Variants in STEEP1 observed in about 807,000 individuals in gnomAD.
The protein encoded by STEEP1 is STING1 ER exit protein 1, also known as STING ER exit protein.
STEEP1 carries 3 observed loss-of-function variants against 19.2 expected under a neutral mutation model. The ratio of observed to expected loss-of-function variants is 0.16; its 90% CI spans 0.07 to 0.40. The LOEUF (loss-of-function observed/expected upper bound fraction) is 0.40, where lower values mean the gene tolerates loss of function less well. Among genes scored for constraint, STEEP1 ranks in the 10% least tolerant of loss-of-function variants. STEEP1 has a pLI of 0.99. For missense variants in STEEP1, 54 were observed against 177.1 expected (o/e 0.30, Z 3.94); for synonymous variants, 46 against 63.7 (o/e 0.72, Z 1.32).
intron 2 of STEEP1, among the ~76,000 whole-genome samples, chrX:119,555,828 T>G (rs2053274829): frequency 9.0e-6 from 1 of 111,268 alleles, no homozygotes; most frequent in South Asian, 3.8e-4. Context: ...TGGGGACAGA[T>G]GAGACAAAGA....
intron 2 of STEEP1, among the ~76,000 whole-genome samples, chrX:119,555,228 A>T (rs980989528): frequency 3.6e-5 from 4 of 110,896 alleles, no homozygotes; most frequent in African/African-American, 1.3e-4. Context: ...CAGAAAATAC[A>T]TAAAATGATA....
At chrX:119,543,678 C>T (rs1367840139) in intron 4 of STEEP1, among the ~76,000 whole-genome samples, 1 of 109,461 alleles carries the variant, frequency 9.1e-6, no homozygotes, top group African/African-American at 3.3e-5. Flanking sequence ...GATAGGGTCT[C>T]GCCGTGCTGC....
chrX:119,556,799 C>T (rs373609896), intron 2 of STEEP1, among the ~76,000 whole-genome samples: 2 of 110,302 alleles, frequency 1.8e-5, no homozygotes, highest in Non-Finnish European at 3.8e-5. Context: ...AAAAGTGTAA[C>T]TAATGCCATG....
rs773767111 is a variant in STEEP1 at position 119,560,401 on chromosome X, G to C, written c.125-16C>G. On this transcript the variant is annotated splice_polypyrimidine_tract_variant and intron_variant, in intron 1 of 6. Coordinates refer to ENST00000644802, the MANE Select transcript of STEEP1 (RefSeq NM_022101.4). The stretch of plus-strand genomic sequence containing the variant: ...AACTGGCAGTCTGAAGGAATGGAGA[G>C]ATTTGGTCACTAGAGTCATGGCAAA... 8.8e-7 allele frequency: 1 copy of C among 1,132,045 alleles called. No individual in the cohort carries two copies. Among genetic ancestry groups the C allele is most frequent in the East Asian group, 3.0e-5 (1 of 33,559 alleles). 93.3% of individuals were successfully genotyped at this position (1,132,045 alleles called of 1,213,427 possible).
chrX:119,554,056 GC>G (rs1334894173), intron 2 of STEEP1, among the ~76,000 whole-genome samples: 1 of 112,146 alleles, frequency 8.9e-6, no homozygotes, highest in South Asian at 3.7e-4. Context: ...ATTAATATGA[GC>G]TAGATGTTTG....
intron 2 of STEEP1, among the ~76,000 whole-genome samples, chrX:119,549,755 C>A (rs1419861575): frequency 8.9e-6 from 1 of 112,261 alleles, no homozygotes; most frequent in Non-Finnish European, 1.9e-5. Context: ...GCCGCTCCTG[C>A]AATAACAGAC....
At position 119,541,341 on chromosome X, in the gene STEEP1, C is replaced by T. The variant is rs748616501; in HGVS notation, c.593G>A (p.Arg198Gln). 10 of 1,188,061 alleles carry T rather than the reference C, an allele frequency of 8.4e-6. No individual in the cohort carries two copies. Among genetic ancestry groups the T allele is most frequent in the Non-Finnish European group, 1.1e-5 (10 of 874,704 alleles). ...QLERKGMSKR[R>Q]LQELAELEAK... ...CTTGCTACTCACCAGCTCTTGCAGT[C>T]GCCTCTTGCTCATGCCTTTGCGCTC... Residue 198 changes from arginine to glutamine, a missense_variant, in exon 6 of 7, where the codon CGA (arginine) becomes CAA (glutamine). Coordinates refer to ENST00000644802, the MANE Select transcript of STEEP1 (RefSeq NM_022101.4).
intron 1 of STEEP1, among the ~76,000 whole-genome samples, chrX:119,562,385 T>C (rs1421591287): frequency 1.8e-5 from 2 of 110,754 alleles, no homozygotes; most frequent in Admixed American, 9.7e-5. Flanking sequence ...AATACAAAAT[T>C]AGCTGAGCAT....
intron 2 of STEEP1, among the ~76,000 whole-genome samples, chrX:119,549,363 T>C (rs1000089773): frequency 9.0e-6 from 1 of 110,881 alleles, no homozygotes; most frequent in Non-Finnish European, 1.9e-5. Flanking sequence ...CAATTATACC[T>C]CAATAAAGCT....
At chrX:119,561,152 T>C (rs752383736) in intron 1 of STEEP1, among the ~76,000 whole-genome samples, 4 of 107,953 alleles carry the variant, frequency 3.7e-5, no homozygotes, top group Non-Finnish European at 3.8e-5. Context: ...GGCGAGAGAA[T>C]TGCTTGAACC....
intron 1 of STEEP1, among the ~76,000 whole-genome samples, chrX:119,562,192 T>G (rs1193059707): frequency 9.0e-6 from 1 of 111,075 alleles, no homozygotes; most frequent in Non-Finnish European, 1.9e-5. Flanking sequence ...AGGTCAGGAG[T>G]TCGAGACCAG....
intron 2 of STEEP1, among the ~76,000 whole-genome samples, chrX:119,555,655 G>GT (rs201226300): frequency 0.016 from 1,782 of 109,716 alleles, 38 homozygotes; most frequent in African/African-American, 0.056. Flanking sequence ...AAAAGACCAG[G>GT]TAAGAGGCCA....
chrX:119,557,205 G>A (rs1484923334), intron 2 of STEEP1, among the ~76,000 whole-genome samples: 1 of 105,745 alleles, frequency 9.5e-6, no homozygotes, highest in Non-Finnish European at 1.9e-5. Flanking sequence ...GTAGCTAGAT[G>A]TCAGCCTATA....
chrX:119,544,416 G>C lies in STEEP1; in HGVS notation c.360C>G (p.Val120=), dbSNP rs764767177. 12 of 1,205,494 alleles carry C rather than the reference G, an allele frequency of 1.0e-5. No individual in the cohort carries two copies. Among genetic ancestry groups the C allele is most frequent in the Non-Finnish European group, 5.6e-6 (5 of 891,535 alleles). The change falls in exon 4 of 7, where the codon GTC becomes GTG. Residue 120 remains valine, a synonymous_variant. Coordinates refer to ENST00000644802, the MANE Select transcript of STEEP1 (RefSeq NM_022101.4). ...TTTTCCCAAAGCCCTGGCCAAACTT[G>C]ACTACTGCTCCATCCACAATGAAGG... ...PVTFIVDGAV[V]KFGQGFGKTN... is the part of the protein sequence containing the mutation.
In STEEP1 at chrX:119,544,362, A is replaced by G; in HGVS notation, c.414T>C (p.Pro138=). 2 of 1,206,077 alleles carry G rather than the reference A, an allele frequency of 1.7e-6. No homozygotes were observed. The highest frequency in any genetic ancestry group is 2.2e-6 in the Non-Finnish European group (2 of 890,994). Residue 138 remains proline, a synonymous_variant, in exon 4 of 7, where the codon CCT becomes CCC. Transcript: ENST00000644802. ...KTNIYTQKQE[P]PKKVMMTKRT... ...CTTCAATGGTAATTACCTTCTTAGG[A>G]GGCTCTTGTTTCTGAGTATATATGT...
chrX:119,548,195 A>C (rs889032603), intron 2 of STEEP1, among the ~76,000 whole-genome samples: 6 of 109,776 alleles, frequency 5.5e-5, no homozygotes, highest in East Asian at 2.9e-4. Context: ...AACAAACAAA[A>C]AAACCATAAT....
intron 1 of STEEP1, 103 bp from the exon 2 acceptor site, chrX:119,560,488 G>T: frequency 1.9e-6 from 1 of 527,152 alleles, no homozygotes; most frequent in South Asian, 2.9e-5. Context: ...CCTAGCACTA[G>T]AATTTTCTAC....
At chrX:119,557,155 C>CAAAAAAAAA (rs61087266) in intron 2 of STEEP1, among the ~76,000 whole-genome samples, 3 of 47,755 alleles carry the variant, frequency 6.3e-5, no homozygotes, top group East Asian at 8.4e-4. Flanking sequence ...GACTCTATCT[C>CAAAAAAAAA]AAAAAAAAAA....
At position 119,541,326 on chromosome X, in the gene STEEP1, A is replaced by G; in HGVS notation, c.606+2T>C. 3 of 1,153,108 alleles carry G rather than the reference A, an allele frequency of 2.6e-6. No homozygotes were observed. The highest frequency in any genetic ancestry group is 3.6e-6 in the Non-Finnish European group (3 of 843,358). On this transcript the variant is annotated splice_donor_variant, in intron 6 of 6. Transcript: ENST00000644802. LOFTEE classifies it high-confidence loss of function. Reference sequence around the variant, plus strand: ...AGCACCTTGCTACCCCTTGCTACTCACCAGCTCTTGCAGTCGCCTCTTGCT... The same window carrying G: ...AGCACCTTGCTACCCCTTGCTACTCGCCAGCTCTTGCAGTCGCCTCTTGCT...
Sources: gnomAD v4.1 joint callset for allele counts (sites outside exome capture counted in the v4.1 genomes callset) on GRCh38, gnomAD v4.1.1 for gene constraint, MANE v1.5 for transcripts, NCBI Gene and HGNC (gene_info 2026-07-23, HGNC 2026-07-21) for gene names.